The following TSPAN4 variants were observed in gnomAD, a reference collection of about 807,000 sequenced individuals.
TSPAN4 encodes the protein tetraspanin 4, also known as tetraspanin-4.
A neutral mutation model predicts 31.5 loss-of-function variants in TSPAN4; 38 were observed. The observed-to-expected ratio is 1.21, with a 90% CI of 0.93 to 1.58. The LOEUF is 1.58. Among genes scored for constraint, TSPAN4 ranks in the 40% most tolerant of loss-of-function variants. The pLI, the probability that TSPAN4 is intolerant of heterozygous loss-of-function variation, is 0.00. For missense variants in TSPAN4, 330 were observed against 317.3 expected, an observed-to-expected ratio of 1.04 and a Z score of -0.30; for synonymous variants, 186 against 144.6, an observed-to-expected ratio of 1.29 and a Z score of -2.06.
rs1162378452 is a variant in TSPAN4 at position 862,730 on chromosome 11, C to G, written c.244C>G (p.Leu82Val). The stretch of plus-strand genomic sequence containing the variant: ...GGGTGCCATCAAGGAGAACAAGTGC[C>G]TCCTGCTCACTGTGAGTGCCGGGGC... ...CLGAIKENKCLLLTFFLLLLL... is the reference protein window; with the variant it reads ...CLGAIKENKCVLLTFFLLLLL... Residue 82 changes from leucine to valine, a missense_variant, in exon 4 of 9, where the codon CTC becomes GTC. Coordinates refer to ENST00000397397, the MANE Select transcript of TSPAN4 (RefSeq NM_003271.5). The G allele has an allele frequency of 1.9e-6, 3 of 1,611,096 alleles. No homozygotes were observed. The highest frequency in any genetic ancestry group is 2.5e-6 in the Non-Finnish European group (3 of 1,178,782).
intron 3 of TSPAN4, among the ~76,000 whole-genome samples, chr11:855,794 G>T (rs1848011964): frequency 6.6e-6 from 1 of 152,226 alleles, no homozygotes; most frequent in Non-Finnish European, 1.5e-5. Context: ...GTTCCCGCCA[G>T]CCCAGAGGGT....
At chr11:846,636 C>T (rs553573030) in intron 1 of TSPAN4, among the ~76,000 whole-genome samples, 1 of 152,246 alleles carries the variant, frequency 6.6e-6, no homozygotes, top group Admixed American at 6.5e-5. Flanking sequence ...AGCCTGGCAC[C>T]CATGGTGGAG....
intron 1 of TSPAN4, among the ~76,000 whole-genome samples, chr11:845,077 C>G (rs11246330): frequency 0.3 from 45,631 of 152,054 alleles, 7,581 homozygotes; most frequent in African/African-American, 0.43. Flanking sequence ...ACTGCCCGCC[C>G]GGAGGGCTGC....
Position 848,978 on chromosome 11 carries a change from C to G in TSPAN4, c.-17-1310C>G, listed in dbSNP as rs1242733352. ...GGGGTGGGGTGGGGTCTTTTACAGG[C>G]TGACTTCCAGCCTGGGCTGGAGCAA... On this transcript the variant is annotated intron_variant, in intron 2 of 8. Transcript: ENST00000397397. The surrounding 1 kb of genome is among the most constrained non-coding windows in gnomAD (Gnocchi z 5.7). 1 of 652,028 alleles carries G rather than the reference C, an allele frequency of 1.5e-6. No individual in the cohort carries two copies. Among genetic ancestry groups the G allele is most frequent in the African/African-American group, 1.8e-5 (1 of 54,324 alleles). 40.4% of individuals were successfully genotyped at this position (652,028 alleles called of 1,614,324 possible).
At chr11:864,120 GC>G (rs1848630302) in intron 4 of TSPAN4, 1 of 456,776 alleles carries the variant, frequency 2.2e-6, no homozygotes, top group Non-Finnish European at 4.0e-6. Flanking sequence ...AGGGGCTGGG[GC>G]CTCAGGAACA....
At chr11:844,993 T>C (rs1175492188) in intron 1 of TSPAN4, among the ~76,000 whole-genome samples, 2 of 152,114 alleles carry the variant, frequency 1.3e-5, no homozygotes, top group Non-Finnish European at 2.9e-5. Flanking sequence ...TGGCTGGGAT[T>C]CAGCTGAACT....
chr11:855,221 A>G (rs28579241), intron 3 of TSPAN4, among the ~76,000 whole-genome samples: 151,102 of 152,254 alleles, frequency 0.99, 74,991 homozygotes, highest in Middle Eastern at 1. Context: ...CTCTGGGGGC[A>G]GAGATGTGGC....
chr11:854,571 T>G (rs1458483065), intron 3 of TSPAN4, among the ~76,000 whole-genome samples: 1 of 152,180 alleles, frequency 6.6e-6, no homozygotes, highest in Admixed American at 6.5e-5. Flanking sequence ...GGCCCCAGCC[T>G]GGAGGGGCAC....
intron 1 of TSPAN4, chr11:844,571 G>GGC (rs1420934775): frequency 6.6e-6 from 1 of 152,156 alleles, no homozygotes; most frequent in African/African-American, 2.4e-5. Context: ...GGGGAGCCTG[G>GGC]GCCTGGCCCT....
At chr11:855,131 G>A (rs1847974943) in intron 3 of TSPAN4, among the ~76,000 whole-genome samples, 1 of 152,140 alleles carries the variant, frequency 6.6e-6, no homozygotes, top group Non-Finnish European at 1.5e-5. Context: ...CACAGGCCTG[G>A]CTCCACGGGG....
intron 3 of TSPAN4, among the ~76,000 whole-genome samples, chr11:850,631 C>CCTCTT (rs1217157133): frequency 1.3e-5 from 2 of 152,234 alleles, no homozygotes; most frequent in East Asian, 3.9e-4. Flanking sequence ...CCTCTCCTCT[C>CCTCTT]CTCACTTGAT....
rs539296350 is a variant in TSPAN4 at position 865,745 on chromosome 11, G to A, written c.484G>A (p.Ala162Thr). The change falls in exon 7 of 9, where the codon GCC (alanine) becomes ACC (threonine). Residue 162 changes from alanine to threonine, a missense_variant. Ala to Thr is a moderately conservative substitution (Grantham distance 58, BLOSUM62 0). Coordinates refer to ENST00000397397, the MANE Select transcript of TSPAN4 (RefSeq NM_003271.5). ...CACTGACTGGTTCGAGGTGTACAAC[G>A]CCACGCGGGTACCTGACTCCTGCTG... The part of the protein sequence containing the change: ...NYTDWFEVYN[A>T]TRVPDSCCLE... The A allele has an allele frequency of 8.2e-5, 132 of 1,613,228 alleles. No individual in the cohort carries two copies. In the South Asian group the frequency reaches 1.2e-3, roughly 14 times the overall value.
chr11:865,211 AG>A (rs895872493), intron 5 of TSPAN4: 48 of 381,364 alleles, frequency 1.3e-4, no homozygotes, highest in African/African-American at 9.7e-4. Context: ...CCTGGCTTTC[AG>A]CTCACAGAGC....
chr11:858,467 C>T (rs957945663), intron 3 of TSPAN4: 6 of 167,204 alleles, frequency 3.6e-5, no homozygotes, highest in Non-Finnish European at 5.2e-5. Context: ...CTGCACACTC[C>T]AGACACATCC....
intron 3 of TSPAN4, among the ~76,000 whole-genome samples, chr11:851,931 A>AG (rs1035366476): frequency 2.1e-4 from 32 of 151,870 alleles, no homozygotes; most frequent in Middle Eastern, 3.4e-3. Context: ...GTCCTTTCCC[A>AG]GGGGGGGTCT....
At chr11:843,594 G>T (rs1452435150) in intron 1 of TSPAN4, 2 of 152,322 alleles carry the variant, frequency 1.3e-5, no homozygotes, top group East Asian at 1.9e-4. Context: ...GACGAGGGAC[G>T]AGGAGCCCGT....
At position 865,681 on chromosome 11, in the gene TSPAN4, G is replaced by C; in HGVS notation, c.433-13G>C. On this transcript the variant is annotated splice_polypyrimidine_tract_variant and intron_variant, in intron 6 of 8. Transcript: ENST00000397397. ...CCCCTCCTGCCTCAGCCCGACCTGA[G>C]CTTGCCCCCCAGTTCCGCTGCTGTG... is the stretch of plus-strand genomic sequence containing the variant. 3.1e-6 allele frequency: 5 copies of C among 1,613,114 alleles called. No homozygotes were observed. The highest frequency in any genetic ancestry group is 4.2e-6 in the Non-Finnish European group (5 of 1,179,870).
At chr11:861,501 G>A (rs567918979) in intron 3 of TSPAN4, among the ~76,000 whole-genome samples, 63 of 152,114 alleles carry the variant, frequency 4.1e-4, no homozygotes, top group East Asian at 1.2e-3. Context: ...TCACGAGGTT[G>A]GGAGATCAAG....
At chr11:853,920 C>T (rs1475843143) in intron 3 of TSPAN4, among the ~76,000 whole-genome samples, 1 of 152,144 alleles carries the variant, frequency 6.6e-6, no homozygotes, top group Admixed American at 6.5e-5. Flanking sequence ...TGAGCCTGAG[C>T]GAGGTGTCCT....
Sources: allele counts gnomAD v4.1 joint callset (sites outside exome capture counted in the v4.1 genomes callset), GRCh38; gene constraint gnomAD v4.1.1; non-coding constraint Gnocchi (gnomAD v3.1); transcripts MANE v1.5; gene names NCBI Gene and HGNC (gene_info 2026-07-23, HGNC 2026-07-21).